The following SMCO4 variants were observed in gnomAD, a reference collection of about 807,000 sequenced individuals.
SMCO4 encodes single-pass membrane protein with coiled-coil domains 4, also known as single-pass membrane and coiled-coil domain-containing protein 4.
In SMCO4, 4 loss-of-function variants were observed where a neutral mutation model predicts 3.6. The ratio of observed to expected loss-of-function variants is 1.11; its 90% CI spans 0.54 to 2.53. The LOEUF is 2.53. Ranked by LOEUF, SMCO4 falls within the 30% of genes most tolerant of loss-of-function variation. SMCO4 has a pLI of 0.02. For synonymous variants in SMCO4, 36 were observed against 35.3 expected (o/e 1.02, Z -0.07); for missense variants, 70 against 80.8 (o/e 0.87, Z 0.51).
upstream of SMCO4, among the ~76,000 whole-genome samples, chr11:93,543,708 A>C (rs928291257): frequency 2.6e-5 from 4 of 152,224 alleles, no homozygotes; most frequent in African/African-American, 9.6e-5. Flanking sequence ...AGATAGCAGA[A>C]TCGGAAAGGG....
chr11:93,526,073 C>T (rs1018343195), intron 1 of SMCO4, among the ~76,000 whole-genome samples: 3 of 152,166 alleles, frequency 2.0e-5, no homozygotes, highest in Admixed American at 1.3e-4. Context: ...GCTGTCTATC[C>T]CTAACACTCA....
At chr11:93,533,324 G>C (rs530408270) in intron 1 of SMCO4, among the ~76,000 whole-genome samples, 15 of 152,302 alleles carry the variant, frequency 9.8e-5, no homozygotes, top group African/African-American at 3.6e-4. Context: ...AGAAGAACAT[G>C]CATATCTCAA....
chr11:93,514,360 A>T (rs1215616683), intron 1 of SMCO4, among the ~76,000 whole-genome samples: 1 of 142,134 alleles, frequency 7.0e-6, no homozygotes, highest in Non-Finnish European at 1.5e-5. Context: ...AAGGAAAAAT[A>T]AAACAGGATG....
At chr11:93,541,197 A>C (rs1453042977) in intron 1 of SMCO4, among the ~76,000 whole-genome samples, 1 of 152,208 alleles carries the variant, frequency 6.6e-6, no homozygotes, top group Non-Finnish European at 1.5e-5. Flanking sequence ...CAGCACCCAA[A>C]ATGTCAAGGC....
intron 1 of SMCO4, among the ~76,000 whole-genome samples, chr11:93,534,375 T>TATAGAGAGAGAGAGAGAGAG (rs369643237): frequency 2.1e-5 from 3 of 142,130 alleles, no homozygotes; most frequent in African/African-American, 7.9e-5. Context: ...TATATATATA[T>TATAGAGAGAGAGAGAGAGAG]AGAGAGAGAG....
At position 93,513,283 on chromosome 11, in the gene SMCO4, A is replaced by T. The variant is rs199642855; in HGVS notation, c.-153-13935T>A. On this transcript the variant is annotated intron_variant, in intron 1 of 2. Coordinates refer to ENST00000298966, the MANE Select transcript of SMCO4 (RefSeq NM_020179.3). Reference sequence around the variant, plus strand: ...ATAAGTCAATATATGTGAAGACCTTAGCAATGTTAGCCTTTTTTTGTATGT... The same window carrying T: ...ATAAGTCAATATATGTGAAGACCTTTGCAATGTTAGCCTTTTTTTGTATGT... Among the ~76,000 whole-genome samples the T allele has an allele frequency of 2.5e-4, 38 of 152,386 alleles. No individual in the cohort carries two copies. In the East Asian group the frequency reaches 7.3e-3, roughly 29 times the overall value.
chr11:93,547,229 G>C (rs1949321493), upstream of SMCO4, among the ~76,000 whole-genome samples: 1 of 152,148 alleles, frequency 6.6e-6, no homozygotes, highest in Admixed American at 6.6e-5. Context: ...CTCCACTCAA[G>C]ATTCCAAACC....
chr11:93,534,575 G>C (rs1192997569), intron 1 of SMCO4, among the ~76,000 whole-genome samples: 1 of 152,196 alleles, frequency 6.6e-6, no homozygotes, highest in Non-Finnish European at 1.5e-5. Context: ...GGCCCAGGGA[G>C]ATAAAATAGC....
chr11:93,483,854 G>A (rs1038545897), intron 2 of SMCO4, among the ~76,000 whole-genome samples: 1 of 152,152 alleles, frequency 6.6e-6, no homozygotes, highest in South Asian at 2.1e-4. Flanking sequence ...ACCTTCCTGG[G>A]TGTACCCCAC....
chr11:93,505,773 G>A (rs1435543322), intron 1 of SMCO4, among the ~76,000 whole-genome samples: 2 of 152,004 alleles, frequency 1.3e-5, no homozygotes, highest in Non-Finnish European at 2.9e-5. Context: ...ATATCACAGA[G>A]AACCAATGTT....
chr11:93,545,416 G>A (rs1017388212), upstream of SMCO4, among the ~76,000 whole-genome samples: 24 of 151,448 alleles, frequency 1.6e-4, no homozygotes, highest in African/African-American at 5.1e-4. Flanking sequence ...GATGAACCCC[G>A]TCTCTACTGA....
rs187474879 is a variant in SMCO4, at chr11:93,481,361, C to T, written c.-80-2092G>A. 29 of 915,172 alleles carry T rather than the reference C, an allele frequency of 3.2e-5. No homozygotes were observed. The Admixed American group carries it at 1.5e-3, about 47-fold the overall frequency. The allele number at this position is 915,172 out of a possible 1,614,324, so 56.7% of individuals were successfully genotyped here. On this transcript the variant is annotated intron_variant, in intron 2 of 2. Coordinates refer to ENST00000298966, the MANE Select transcript of SMCO4 (RefSeq NM_020179.3). Reference sequence around the variant, plus strand: ...GTGGGCTGAGACATCTCCACCCATACCCGTGGGCGGCCCAGGGACGGGTGC... The same window carrying T: ...GTGGGCTGAGACATCTCCACCCATATCCGTGGGCGGCCCAGGGACGGGTGC...
At chr11:93,503,918 C>T (rs946085348) in intron 1 of SMCO4, among the ~76,000 whole-genome samples, 5 of 151,992 alleles carry the variant, frequency 3.3e-5, no homozygotes, top group Non-Finnish European at 7.4e-5. Flanking sequence ...GCTCTCAACA[C>T]AAGAAAAAGT....
At chr11:93,511,713 A>G (rs1425463545) in intron 1 of SMCO4, among the ~76,000 whole-genome samples, 1 of 152,182 alleles carries the variant, frequency 6.6e-6, no homozygotes, top group African/African-American at 2.4e-5. Flanking sequence ...ATGCTACTCT[A>G]CACTGGAATA....
intron 1 of SMCO4, among the ~76,000 whole-genome samples, chr11:93,514,402 A>ATG (rs1948987772): frequency 2.0e-5 from 2 of 99,646 alleles, no homozygotes; most frequent in Admixed American, 1.0e-4. Flanking sequence ...ATATATATAT[A>ATG]TATATATATA....
chr11:93,512,690 G>C (rs1357222931), intron 1 of SMCO4, among the ~76,000 whole-genome samples: 1 of 152,134 alleles, frequency 6.6e-6, no homozygotes, highest in Non-Finnish European at 1.5e-5. Flanking sequence ...GTGTGTAGTA[G>C]GCCATACCAT....
intron 1 of SMCO4, among the ~76,000 whole-genome samples, chr11:93,541,080 T>C (rs763470858): frequency 2.0e-5 from 3 of 152,240 alleles, no homozygotes; most frequent in Non-Finnish European, 4.4e-5. Flanking sequence ...CATTCAGTTA[T>C]GACAAAATAC....
chr11:93,535,564 T>C (rs1235524398), intron 1 of SMCO4: 7 of 1,486,662 alleles, frequency 4.7e-6, no homozygotes, highest in South Asian at 1.1e-5. Context: ...CTTGAAGAAG[T>C]ATGACAGTCG....
Position 93,478,726 on chromosome 11 carries a change from C to T in SMCO4, c.*284G>A, listed in dbSNP as rs979480989. On this transcript the variant is annotated 3_prime_UTR_variant, in exon 3 of 3. Transcript: ENST00000298966. ...AGAGAAAAAGAAGCACACACACACA[C>T]ACACACACACACACACACACACACA... 6.2e-6 allele frequency: 3 copies of T among 480,842 alleles called. No individual in the cohort carries two copies. The African/African-American group carries it at 6.4e-5, about 10-fold the overall frequency. 29.8% of individuals were successfully genotyped at this position (480,842 alleles called of 1,614,324 possible).
Sources: allele counts gnomAD v4.1 joint callset (sites outside exome capture counted in the v4.1 genomes callset), GRCh38; gene constraint gnomAD v4.1.1; transcripts MANE v1.5; gene names NCBI Gene and HGNC (gene_info 2026-07-23, HGNC 2026-07-21).